Variants in PTPRC observed in about 807,000 individuals in gnomAD.
The protein encoded by PTPRC is receptor-type tyrosine-protein phosphatase C.
Under a neutral mutation model 155.9 loss-of-function variants are expected in PTPRC, and 44 were observed. The ratio of observed to expected loss-of-function variants is 0.28; its 90% CI spans 0.22 to 0.36. The LOEUF is 0.36. PTPRC is among the 10% of genes least tolerant of loss of function. The pLI, the probability that PTPRC is intolerant of heterozygous loss-of-function variation, is 1.00. For missense variants in PTPRC, 1,401 were observed against 1,564.6 expected, an observed-to-expected ratio of 0.90 and a Z score of 1.76; for synonymous variants, 525 against 533.1, an observed-to-expected ratio of 0.98 and a Z score of 0.21.
chr1:198,649,963 G>C (rs1398299394), intron 2 of PTPRC, among the ~76,000 whole-genome samples: 1 of 151,862 alleles, frequency 6.6e-6, no homozygotes, highest in Non-Finnish European at 1.5e-5. Context: ...TGCACTTTTA[G>C]ACAGAGTGAT....
intron 2 of PTPRC, among the ~76,000 whole-genome samples, chr1:198,640,721 G>A (rs1164848285): frequency 1.3e-5 from 2 of 151,912 alleles, no homozygotes; most frequent in Admixed American, 1.3e-4. Context: ...ATGTCGAAAA[G>A]CATTTTTAAA....
At chr1:198,685,967 C>G (rs1443751807) in intron 2 of PTPRC, among the ~76,000 whole-genome samples, 1 of 149,730 alleles carries the variant, frequency 6.7e-6, no homozygotes. Context: ...TTTTTTTTAG[C>G]GGGGAGGGAG....
chr1:198,695,527 T>G (rs1666162083), intron 3 of PTPRC, among the ~76,000 whole-genome samples: 1 of 151,632 alleles, frequency 6.6e-6, no homozygotes, highest in Non-Finnish European at 1.5e-5. Flanking sequence ...ATTCTTTTAT[T>G]AAGAAAATCA....
chr1:198,728,480 A>G lies in PTPRC; in HGVS notation c.1829+32A>G, dbSNP rs1038900845. ...GTTGATTTTAAATTTTTAAATAATA[A>G]TGGTATTAGTAATGGTGCAAACGCA... On this transcript the variant is annotated intron_variant, in intron 16 of 32. Coordinates refer to ENST00000442510, the MANE Select transcript of PTPRC (RefSeq NM_002838.5). 1.9e-6 allele frequency: 3 copies of G among 1,606,222 alleles called. No homozygotes were observed. The African/African-American group carries it at 4.0e-5, about 22-fold the overall frequency.
chr1:198,712,265 A>T (rs1172090569), intron 11 of PTPRC, among the ~76,000 whole-genome samples: 1 of 152,226 alleles, frequency 6.6e-6, no homozygotes, highest in African/African-American at 2.4e-5. Flanking sequence ...CATTTTATTT[A>T]CATGCAATGG....
chr1:198,714,821 C>T (rs1653494274), intron 12 of PTPRC, among the ~76,000 whole-genome samples: 1 of 152,086 alleles, frequency 6.6e-6, no homozygotes, highest in African/African-American at 2.4e-5. Context: ...ATGAAATTTG[C>T]AGTTTACTTT....
At chr1:198,651,308 G>GTGTGTC (rs1179301662) in intron 2 of PTPRC, among the ~76,000 whole-genome samples, 5 of 151,442 alleles carry the variant, frequency 3.3e-5, no homozygotes, top group African/African-American at 1.2e-4. Flanking sequence ...GTGTGTGTGT[G>GTGTGTC]TGTGTGTGTG....
rs1557979011 is a variant in PTPRC, at chr1:198,665,079, C to CCTTTTT, written c.73+25738_73+25739insCTTTTT. Among the ~76,000 whole-genome samples the CCTTTTT allele has an allele frequency of 2.9e-5, 3 of 102,244 alleles. 1 individual carries two copies. The highest frequency in any genetic ancestry group is 2.0e-5 in the Non-Finnish European group (1 of 49,286). The allele number at this position is 102,244 out of a possible 152,430, so 67.1% of individuals were successfully genotyped here. A position where few individuals can be genotyped will look rare whatever the true frequency, so the allele number is the denominator to read the frequency against. ...GAGTGTTTTTAGAACATCCCGGCAG[C>CCTTTTT]ATTTTTTTTTTTTTTTTTTTTTTTT... is the stretch of plus-strand genomic sequence containing the variant. On this transcript the variant is annotated intron_variant, in intron 2 of 32. Transcript: ENST00000442510.
chr1:198,639,925 A>G (rs1359383977), intron 2 of PTPRC, among the ~76,000 whole-genome samples: 2 of 152,068 alleles, frequency 1.3e-5, no homozygotes, highest in Non-Finnish European at 2.9e-5. Context: ...AATGTATTTT[A>G]AATCAAGTTT....
At chr1:198,642,928 C>T (rs1292034996) in intron 2 of PTPRC, among the ~76,000 whole-genome samples, 1 of 147,208 alleles carries the variant, frequency 6.8e-6, no homozygotes, top group Non-Finnish European at 1.5e-5. Flanking sequence ...TTCTTTCTTT[C>T]TTTCTTTCTT....
chr1:198,705,621 A>G (rs1652916286), intron 8 of PTPRC, among the ~76,000 whole-genome samples: 1 of 151,762 alleles, frequency 6.6e-6, no homozygotes, highest in Non-Finnish European at 1.5e-5. Flanking sequence ...GGGATTCACC[A>G]TGTTGCCCAC....
rs150416673 is a variant in PTPRC at position 198,728,405 on chromosome 1, G to C, written c.1786G>C (p.Val596Leu). ...LIIVTSIALL[V>L]VLYKIYDLHK... ...TATTGTGACATCAATAGCCCTGCTT[G>C]TTGTTCTCTACAAAATCTATGATCT... The change falls in exon 16 of 33, where the codon GTT becomes CTT. Residue 596 changes from valine (V) to leucine (L), a missense_variant. Transcript: ENST00000442510. 3 of 1,612,820 alleles carry C rather than the reference G, an allele frequency of 1.9e-6. No homozygotes were observed. The highest frequency in any genetic ancestry group is 1.7e-5 in the Admixed American group (1 of 59,928).
chr1:198,654,913 G>A (rs1446559085), intron 2 of PTPRC, among the ~76,000 whole-genome samples: 1 of 151,764 alleles, frequency 6.6e-6, no homozygotes, highest in Non-Finnish European at 1.5e-5. Flanking sequence ...TTTATCTCAG[G>A]AAATATATCA....
At chr1:198,692,116 A>T (rs1208050192) in intron 2 of PTPRC, among the ~76,000 whole-genome samples, 1 of 152,024 alleles carries the variant, frequency 6.6e-6, no homozygotes, top group African/African-American at 2.4e-5. Flanking sequence ...TATGTTTCTG[A>T]TTTAGCCTGG....
chr1:198,639,434 A>G (rs1662453359), intron 2 of PTPRC, 93 bp downstream of exon 2: 2 of 1,026,100 alleles, frequency 1.9e-6, no homozygotes, highest in South Asian at 2.9e-5. Flanking sequence ...ATGTGTTGGT[A>G]ACTGGAAGTG....
chr1:198,671,056 T>C (rs533363105), intron 2 of PTPRC, among the ~76,000 whole-genome samples: 1 of 152,270 alleles, frequency 6.6e-6, no homozygotes, highest in African/African-American at 2.4e-5. Flanking sequence ...AAATGTCACA[T>C]TGTACCTTAT....
intron 25 of PTPRC, among the ~76,000 whole-genome samples, chr1:198,742,621 A>G (rs541085781): frequency 7.4e-4 from 112 of 151,998 alleles, no homozygotes; most frequent in South Asian, 3.5e-3. Context: ...GTTAACATAT[A>G]TCAGATTGGC....
At chr1:198,746,004 A>G (rs1400922522) in intron 26 of PTPRC, among the ~76,000 whole-genome samples, 1 of 151,832 alleles carries the variant, frequency 6.6e-6, no homozygotes, top group Non-Finnish European at 1.5e-5. Context: ...AATGAAACCT[A>G]CAAAGGTGGA....
chr1:198,721,291 T>A (rs2102454340), intron 14 of PTPRC, among the ~76,000 whole-genome samples: 1 of 152,314 alleles, frequency 6.6e-6, no homozygotes, highest in African/African-American at 2.4e-5. Context: ...AGTATTACTT[T>A]TCCATAGATT....
Sources: gnomAD v4.1 joint callset for allele counts (sites outside exome capture counted in the v4.1 genomes callset) on GRCh38, gnomAD v4.1.1 for gene constraint, MANE v1.5 for transcripts, NCBI Gene and HGNC (gene_info 2026-07-23, HGNC 2026-07-21) for gene names.